The following CA13 variants were observed in gnomAD, a reference collection of about 807,000 sequenced individuals.
CA13 encodes the protein carbonic anhydrase 13, also known as CA-XIII.
In CA13, 21 loss-of-function variants were observed where a neutral mutation model predicts 31.5. That is an observed-to-expected ratio of 0.67 (90% CI 0.47 to 0.96). The LOEUF is 0.96. Ranked by LOEUF, CA13 falls within the 40% of genes least tolerant of loss-of-function variation. The probability of loss-of-function intolerance (pLI) is 0.00; values close to 1 mark genes in which losing one functional copy is unlikely to be tolerated. For missense variants in CA13, 315 were observed against 318.9 expected (o/e 0.99, Z 0.09); for synonymous variants, 117 against 111.4 (o/e 1.05, Z -0.32).
intron 1 of CA13, 125 bp from the exon 2 acceptor site, chr8:85,250,615 C>A: frequency 1.6e-6 from 1 of 624,478 alleles, no homozygotes; most frequent in Non-Finnish European, 2.7e-6. Context: ...GTCCTGAGGA[C>A]GAGAATCTCA....
At chr8:85,258,883 G>A (rs1807338825) in intron 2 of CA13, among the ~76,000 whole-genome samples, 1 of 151,248 alleles carries the variant, frequency 6.6e-6, no homozygotes, top group Non-Finnish European at 1.5e-5. Flanking sequence ...GTTGCAGTGA[G>A]CCGTGATTGC....
chr8:85,276,302 T>TC (rs945059338), intron 6 of CA13, among the ~76,000 whole-genome samples: 24 of 152,050 alleles, frequency 1.6e-4, no homozygotes, highest in Non-Finnish European at 3.4e-4. Flanking sequence ...TGCTTGAGCC[T>TC]CCCCCCAACC....
chr8:85,245,560 C>T lies in CA13; in HGVS notation c.-269C>T. 1 of 495,004 alleles carries T rather than the reference C, an allele frequency of 2.0e-6. No homozygotes were observed. Among genetic ancestry groups the T allele is most frequent in the Non-Finnish European group, 3.6e-6 (1 of 279,852 alleles). The allele number at this position is 495,004 out of a possible 1,614,324, so 30.7% of individuals were successfully genotyped here. ...CGGAAACCTTTCTCTCTCCGTCTCT[C>T]CCTCTAACTCAAATCTCTCATTCCC... On this transcript the variant is annotated 5_prime_UTR_variant, in exon 1 of 7. Transcript: ENST00000321764.
At chr8:85,256,668 A>G (rs1480728686) in intron 2 of CA13, among the ~76,000 whole-genome samples, 1 of 152,206 alleles carries the variant, frequency 6.6e-6, no homozygotes, top group South Asian at 2.1e-4. Context: ...TGAATTGGTA[A>G]CCTATGACAA....
At chr8:85,245,931 C>T in intron 1 of CA13, 66 bp downstream of exon 1, 3 of 1,579,088 alleles carry the variant, frequency 1.9e-6, no homozygotes, top group South Asian at 1.1e-5. Context: ...CGCGACGCCC[C>T]GGCGCTCGCT....
chr8:85,279,619 G>A (rs925987195), intron 6 of CA13, among the ~76,000 whole-genome samples: 9 of 152,160 alleles, frequency 5.9e-5, no homozygotes, highest in African/African-American at 1.9e-4. Context: ...CTACCAGAGG[G>A]GCAGGAGCTA....
chr8:85,265,408 G>A (rs961812873), intron 3 of CA13, among the ~76,000 whole-genome samples: 12 of 152,104 alleles, frequency 7.9e-5, no homozygotes, highest in Admixed American at 7.2e-4. Context: ...CACACTTGTG[G>A]GTGTGTTCGA....
At chr8:85,270,535 T>C (rs954881916) in intron 6 of CA13, among the ~76,000 whole-genome samples, 8 of 152,220 alleles carry the variant, frequency 5.3e-5, no homozygotes, top group Non-Finnish European at 1.2e-4. Context: ...TCAGAGTCCT[T>C]AATAAGGGAA....
At chr8:85,248,690 A>G (rs1336101128) in intron 1 of CA13, among the ~76,000 whole-genome samples, 1 of 152,138 alleles carries the variant, frequency 6.6e-6, no homozygotes, top group African/African-American at 2.4e-5. Context: ...AGTAGATAAT[A>G]TTGGGAATGT....
intron 3 of CA13, among the ~76,000 whole-genome samples, chr8:85,265,996 C>T (rs572493268): frequency 4.6e-5 from 7 of 152,232 alleles, no homozygotes; most frequent in South Asian, 4.1e-4. Context: ...CCTACTGTGT[C>T]GGAGGTTGAC....
At chr8:85,259,390 T>G in intron 2 of CA13, 31 bp from the exon 3 acceptor site, 1 of 1,560,238 alleles carries the variant, frequency 6.4e-7, no homozygotes. Flanking sequence ...ATTTTTTCCT[T>G]GCTAACAATA....
intron 5 of CA13, among the ~76,000 whole-genome samples, 184 bp from the exon 6 acceptor site, chr8:85,268,288 T>C (rs1807482547): frequency 6.6e-6 from 1 of 152,246 alleles, no homozygotes; most frequent in African/African-American, 2.4e-5. Context: ...TATGTTACTT[T>C]ATCTAAAATT....
At position 85,250,903 on chromosome 8, in the gene CA13, C is replaced by A; in HGVS notation, c.201C>A (p.Phe67Leu). The A allele has an allele frequency of 6.2e-7, 1 of 1,613,726 alleles. No homozygotes were observed. Among genetic ancestry groups the A allele is most frequent in the East Asian group, 2.2e-5 (1 of 44,862 alleles). Residue 67 changes from phenylalanine to leucine, a missense_variant, in exon 2 of 7, where the codon TTC becomes TTA. Coordinates refer to ENST00000321764, the MANE Select transcript of CA13 (RefSeq NM_198584.3). The part of the protein sequence containing the change: ...AKIISNSGHS[F>L]NVDFDDTENK... ...TCATCAGCAACAGCGGCCATTCCTT[C>A]AATGTTGACTTTGATGACACAGAGA...
At chr8:85,256,946 T>TCC (rs1807307287) in intron 2 of CA13, among the ~76,000 whole-genome samples, 1 of 152,066 alleles carries the variant, frequency 6.6e-6, no homozygotes, top group African/African-American at 2.4e-5. Flanking sequence ...CTTTGGTTTC[T>TCC]CTCTCTCTCT....
intron 1 of CA13, chr8:85,246,634 C>T (rs1813736495): frequency 2.6e-6 from 1 of 385,214 alleles, no homozygotes; most frequent in South Asian, 1.9e-5. Flanking sequence ...GTATATCACA[C>T]ATTATCAAAA....
intron 3 of CA13, among the ~76,000 whole-genome samples, chr8:85,259,908 A>G (rs551642174): frequency 6.6e-6 from 1 of 152,338 alleles, no homozygotes; most frequent in East Asian, 1.9e-4. Flanking sequence ...GAAGAGAGAG[A>G]AAGAAACATT....
At chr8:85,251,042 G>T (rs1004248267) in intron 2 of CA13, 105 bp downstream of exon 2, 1 of 979,030 alleles carries the variant, frequency 1.0e-6, no homozygotes, top group Non-Finnish European at 1.5e-6. Context: ...TCGCTCTGTC[G>T]CCAGGCTGAA....
At chr8:85,259,232 T>TAA (rs999035587) in intron 2 of CA13, among the ~76,000 whole-genome samples, 189 bp from the exon 3 acceptor site, 3 of 152,204 alleles carry the variant, frequency 2.0e-5, no homozygotes, top group African/African-American at 7.2e-5. Context: ...TTTAAGCTTT[T>TAA]AAAAATGTTC....
In CA13 at chr8:85,271,840, G is replaced by A. The variant is rs369924593; in HGVS notation, c.669+3213G>A. ...TCCTAGCATTTTGGGAGGCCAAGGCGGATGGATCACCTAAGGTCTGGAGTT... is the reference window on the plus strand; with the variant it reads ...TCCTAGCATTTTGGGAGGCCAAGGCAGATGGATCACCTAAGGTCTGGAGTT... On this transcript the variant is annotated intron_variant, in intron 6 of 6. Coordinates refer to ENST00000321764, the MANE Select transcript of CA13 (RefSeq NM_198584.3). 3.8e-4 allele frequency among the ~76,000 whole-genome samples: 58 copies of A among 152,210 alleles called. 2 individuals are homozygous for A. Among genetic ancestry groups the A allele is most frequent in the Middle Eastern group, 6.8e-3 (2 of 294 alleles).
Sources: gnomAD v4.1 joint callset for allele counts (sites outside exome capture counted in the v4.1 genomes callset) on GRCh38, gnomAD v4.1.1 for gene constraint, MANE v1.5 for transcripts, NCBI Gene and HGNC (gene_info 2026-07-23, HGNC 2026-07-21) for gene names.